Variants in EOGT observed in about 807,000 individuals in gnomAD.
The protein encoded by EOGT is EGF domain-specific O-linked N-acetylglucosamine transferase.
A neutral mutation model predicts 70.5 loss-of-function variants in EOGT; 55 were observed. The ratio of observed to expected loss-of-function variants is 0.78; its 90% CI spans 0.63 to 0.98. The LOEUF (loss-of-function observed/expected upper bound fraction) is 0.98. EOGT is among the 50% of genes least tolerant of loss of function. The pLI is 0.00. For synonymous variants in EOGT, 246 were observed against 217.1 expected, an observed-to-expected ratio of 1.13 and a Z score of -1.17; for missense variants, 703 against 641.9, an observed-to-expected ratio of 1.10 and a Z score of -1.03.
rs375244983 is a variant in EOGT at position 69,000,143 on chromosome 3, T to C, written c.727+1465A>G. Among the ~76,000 whole-genome samples, 4 of 152,310 alleles carry C rather than the reference T, an allele frequency of 2.6e-5. No homozygotes were observed. The East Asian group carries it at 5.8e-4, about 22-fold the overall frequency. ...TGGCAGGCCAAGGTGGGAGAATCAC[T>C]TGAGCCCAGGAAGTTGAGGCTGCAA... is the stretch of plus-strand genomic sequence containing the variant. On this transcript the variant is annotated intron_variant, in intron 9 of 17. Coordinates refer to ENST00000383701, the MANE Select transcript of EOGT (RefSeq NM_001278689.2).
Position 68,977,682 on chromosome 3 carries a change from T to C in EOGT, c.1520A>G (p.Gln507Arg). 1 of 1,614,012 alleles carries C rather than the reference T, an allele frequency of 6.2e-7. No homozygotes were observed. Among genetic ancestry groups the C allele is most frequent in the South Asian group, 1.1e-5 (1 of 91,036 alleles). Residue 507 changes from glutamine to arginine, a missense_variant, in exon 18 of 18, where the codon CAG becomes CGG. By Grantham distance (43) the Gln-to-Arg change is conservative (BLOSUM62 1). Coordinates refer to ENST00000383701, the MANE Select transcript of EOGT (RefSeq NM_001278689.2). Reference sequence around the variant, plus strand: ...GTGTTGCAATACGTGGTCTGCAGCCTGAAGGACAAGATACATAAATTCTTC... The same window carrying C: ...GTGTTGCAATACGTGGTCTGCAGCCCGAAGGACAAGATACATAAATTCTTC... ...DVEEFMYLVL[Q>R]AADHVLQHPK...
chr3:68,979,152 G>C (rs969857614), intron 16 of EOGT, among the ~76,000 whole-genome samples: 4 of 152,144 alleles, frequency 2.6e-5, no homozygotes, highest in Admixed American at 2.6e-4. Flanking sequence ...GCCAACAGCA[G>C]AATTATTATG....
chr3:68,992,567 C>A (rs57172593), intron 10 of EOGT, among the ~76,000 whole-genome samples: 2 of 152,218 alleles, frequency 1.3e-5, no homozygotes, highest in South Asian at 2.1e-4. Context: ...TGAGTGTCTG[C>A]GGCTCTTCCA....
intron 15 of EOGT, among the ~76,000 whole-genome samples, chr3:68,981,350 T>A (rs78383234): frequency 0.011 from 1,711 of 152,258 alleles, 27 homozygotes; most frequent in East Asian, 0.042. Flanking sequence ...AATGAACTAA[T>A]GTATGATGAA....
chr3:68,977,521 CG>C lies in EOGT; in HGVS notation c.*96del, dbSNP rs2107110532. On this transcript the variant is annotated 3_prime_UTR_variant, in exon 18 of 18. Transcript: ENST00000383701. ...ATGTTTTGGCATAGAAAAGGTAATT[CG>C]GGGATAGGAAATAACAGATTGCTTT... 7.7e-7 allele frequency: 1 copy of C among 1,304,158 alleles called. No individual in the cohort carries two copies. 80.8% of individuals were successfully genotyped at this position (1,304,158 alleles called of 1,614,324 possible). A position where few individuals can be genotyped will look rare whatever the true frequency, so the allele number is the denominator to read the frequency against.
At chr3:69,007,341 CAAT>C (rs1205794772) in intron 6 of EOGT, among the ~76,000 whole-genome samples, 2 of 152,132 alleles carry the variant, frequency 1.3e-5, no homozygotes, top group East Asian at 1.9e-4. Context: ...TATTAAAAAT[CAAT>C]AATAAGTAAT....
chr3:69,010,109 G>C (rs1013743092), intron 3 of EOGT, among the ~76,000 whole-genome samples: 1 of 152,180 alleles, frequency 6.6e-6, no homozygotes, highest in African/African-American at 2.4e-5. Context: ...TTGCTCTCAT[G>C]GTGCCTTTAA....
intron 10 of EOGT, among the ~76,000 whole-genome samples, chr3:68,997,667 C>CT (rs2091188842): frequency 6.6e-6 from 1 of 152,196 alleles, no homozygotes; most frequent in African/African-American, 2.4e-5. Flanking sequence ...CCACGCCCTG[C>CT]TGAATGGCAG....
intron 15 of EOGT, among the ~76,000 whole-genome samples, chr3:68,981,919 T>G (rs892974720): frequency 1.3e-5 from 2 of 151,992 alleles, no homozygotes; most frequent in Non-Finnish European, 2.9e-5. Flanking sequence ...CAATTTTTTT[T>G]TTTTTGAGAC....
At position 68,988,942 on chromosome 3, in the gene EOGT, T is replaced by A; in HGVS notation, c.907A>T (p.Thr303Ser). 6.6e-7 allele frequency: 1 copy of A among 1,525,006 alleles called. No individual in the cohort carries two copies. Among genetic ancestry groups the A allele is most frequent in the Non-Finnish European group, 8.8e-7 (1 of 1,140,186 alleles). The allele number at this position is 1,525,006 out of a possible 1,614,324, so 94.5% of individuals were successfully genotyped here. A position where few individuals can be genotyped will look rare whatever the true frequency, so the allele number is the denominator to read the frequency against. Residue 303 changes from threonine to serine, a missense_variant, in exon 11 of 18, where the codon ACT becomes TCT. By Grantham distance (58) the Thr-to-Ser change is moderately conservative. Transcript: ENST00000383701. ...FTDYDVIHLK[T>S]YDSKRVCFKE... ...TCCAGTACCCTTTTGGAATCATAAG[T>A]TTTCAAATGTATAACGTCATAATCA...
At chr3:68,978,568 T>A in intron 16 of EOGT, 133 bp from the exon 17 acceptor site, 1 of 588,668 alleles carries the variant, frequency 1.7e-6, no homozygotes. Flanking sequence ...AGGAAGACAG[T>A]AAACAAGACT....
chr3:68,979,961 G>C (rs2107137891), intron 15 of EOGT, among the ~76,000 whole-genome samples, 174 bp from the exon 16 acceptor site: 1 of 152,194 alleles, frequency 6.6e-6, no homozygotes, highest in East Asian at 1.9e-4. Context: ...TAATTAATAA[G>C]TTTCTTAATA....
At chr3:68,981,919 T>C (rs892974720) in intron 15 of EOGT, among the ~76,000 whole-genome samples, 1 of 151,992 alleles carries the variant, frequency 6.6e-6, no homozygotes, top group Non-Finnish European at 1.5e-5. Context: ...CAATTTTTTT[T>C]TTTTTGAGAC....
At chr3:69,013,415 G>A (rs1308223425) in intron 1 of EOGT, among the ~76,000 whole-genome samples, 159 bp downstream of exon 1, 2 of 152,048 alleles carry the variant, frequency 1.3e-5, no homozygotes, top group Non-Finnish European at 2.9e-5. Flanking sequence ...CTCCCGGCCC[G>A]CAGGGAATGG....
rs143636069 is a variant in EOGT, at chr3:68,985,223, T to G, written c.1152+2222A>C. 5.4e-3 allele frequency among the ~76,000 whole-genome samples: 825 copies of G among 152,300 alleles called. 9 individuals are homozygous for G. The highest frequency in any genetic ancestry group is 0.018 in the African/African-American group (768 of 41,556). On this transcript the variant is annotated intron_variant, in intron 14 of 17. Coordinates refer to ENST00000383701, the MANE Select transcript of EOGT (RefSeq NM_001278689.2). ...ATTTGTATTCCCAACATTGCACTATTTGATACGTTCGTATTTCTAGGTCTT... is the reference window on the plus strand; with the variant it reads ...ATTTGTATTCCCAACATTGCACTATGTGATACGTTCGTATTTCTAGGTCTT...
chr3:68,981,018 C>G (rs887776455), intron 15 of EOGT, among the ~76,000 whole-genome samples: 1 of 152,154 alleles, frequency 6.6e-6, no homozygotes, highest in Non-Finnish European at 1.5e-5. Flanking sequence ...GGTTTTGGGA[C>G]TGATGTGGGG....
At chr3:68,997,112 G>A (rs1024936410) in intron 10 of EOGT, among the ~76,000 whole-genome samples, 1 of 152,102 alleles carries the variant, frequency 6.6e-6, no homozygotes. Flanking sequence ...GCAGGGAAAA[G>A]GCAGGCAAAG....
intron 10 of EOGT, among the ~76,000 whole-genome samples, chr3:68,996,553 TGGG>T (rs2091153133): frequency 1.3e-5 from 2 of 152,212 alleles, no homozygotes; most frequent in African/African-American, 2.4e-5. Context: ...TCAGGGATCC[TGGG>T]GACTTTGCCA....
At chr3:68,994,906 C>A (rs145802170) in intron 10 of EOGT, among the ~76,000 whole-genome samples, 132 of 152,320 alleles carry the variant, frequency 8.7e-4, no homozygotes, top group African/African-American at 3.1e-3. Context: ...AGCAACCCTG[C>A]TGTGCCCAGA....
Sources: allele counts gnomAD v4.1 joint callset (sites outside exome capture counted in the v4.1 genomes callset), GRCh38; gene constraint gnomAD v4.1.1; transcripts MANE v1.5; gene names NCBI Gene and HGNC (gene_info 2026-07-23, HGNC 2026-07-21).